The following TENM1 variants were observed in gnomAD, a reference collection of about 807,000 sequenced individuals.
TENM1 encodes the protein teneurin transmembrane protein 1, also known as teneurin-1.
A neutral mutation model predicts 174.8 loss-of-function variants in TENM1; 35 were observed. The observed-to-expected ratio is 0.20, with a 90% CI of 0.15 to 0.27. TENM1 has a LOEUF of 0.27. Among genes scored for constraint, TENM1 ranks in the 10% least tolerant of loss-of-function variants. The probability of loss-of-function intolerance (pLI) is 1.00; values close to 1 mark genes in which losing one functional copy is unlikely to be tolerated. For synonymous variants in TENM1, 781 were observed against 798.7 expected, an observed-to-expected ratio of 0.98 and a Z score of 0.37; for missense variants, 1,633 against 2,130.1, an observed-to-expected ratio of 0.77 and a Z score of 4.59.
At chrX:124,733,029 C>T (rs2053600118) in intron 4 of TENM1, among the ~76,000 whole-genome samples, 1 of 111,835 alleles carries the variant, frequency 8.9e-6, no homozygotes, top group African/African-American at 3.3e-5. Flanking sequence ...GAACCCACAC[C>T]TGCATTCAGC....
chrX:125,053,561 G>T, the TENM1 span, among the ~76,000 whole-genome samples: 1 of 111,981 alleles, frequency 8.9e-6, no homozygotes, highest in Non-Finnish European at 1.9e-5. Context: ...GTGGCTGCAG[G>T]GTGGGGTGTG....
chrX:124,691,401 T>C (rs2052518542), intron 5 of TENM1, among the ~76,000 whole-genome samples: 1 of 112,230 alleles, frequency 8.9e-6, no homozygotes, highest in African/African-American at 3.2e-5. Flanking sequence ...AACCTTACTT[T>C]TTCTTAAGAG....
chrX:125,038,950 G>A, the TENM1 span, among the ~76,000 whole-genome samples: 1 of 111,548 alleles, frequency 9.0e-6, no homozygotes, highest in Non-Finnish European at 1.9e-5. Context: ...ATAGACTTCT[G>A]CCACTGAAAG....
At chrX:124,724,495 C>T (rs2053399368) in intron 4 of TENM1, among the ~76,000 whole-genome samples, 1 of 111,645 alleles carries the variant, frequency 9.0e-6, no homozygotes, top group Non-Finnish European at 1.9e-5. Flanking sequence ...TGTTTGTGTC[C>T]CTTCAAAATT....
Position 124,894,305 on chromosome X carries a change from AC to A in TENM1, c.525del (p.Ser176LeufsTer46). 8.3e-7 allele frequency: 1 copy of A among 1,200,522 alleles called. No homozygotes were observed. The highest frequency in any genetic ancestry group is 1.1e-6 in the Non-Finnish European group (1 of 889,070). On this transcript the variant is annotated frameshift_variant, in exon 3 of 32. Transcript: ENST00000422452. LOFTEE classifies it high-confidence loss of function. ...ATTTGAAAACACTTGCCTTGAGTAG[AC>A]CCAGCTTGAGCCTCCATGTCACAAC...
chrX:124,815,849 T>C (rs2055884341), intron 3 of TENM1, among the ~76,000 whole-genome samples: 1 of 111,710 alleles, frequency 9.0e-6, no homozygotes, highest in African/African-American at 3.2e-5. Flanking sequence ...GAAAGACTTC[T>C]ATGCAACAAA....
At chrX:125,166,735 T>C in the TENM1 span, among the ~76,000 whole-genome samples, 3 of 111,826 alleles carry the variant, frequency 2.7e-5, no homozygotes, top group African/African-American at 9.7e-5. Context: ...CTTCTTCCTC[T>C]TAATCAAATC....
At chrX:124,450,143 G>T (rs762842164) in intron 23 of TENM1, among the ~76,000 whole-genome samples, 1 of 110,446 alleles carries the variant, frequency 9.1e-6, no homozygotes, top group South Asian at 4.0e-4. Context: ...AGATCTGATG[G>T]TTTTAAAAAT....
At chrX:125,122,487 T>C in the TENM1 span, among the ~76,000 whole-genome samples, 5 of 111,870 alleles carry the variant, frequency 4.5e-5, no homozygotes, top group Non-Finnish European at 9.4e-5. Flanking sequence ...TGAAATTTCA[T>C]TCATTTTTAA....
At chrX:124,420,804 T>C in exon 25 of TENM1, 1 of 1,207,733 alleles carries the variant, frequency 8.3e-7, no homozygotes, top group Non-Finnish European at 1.1e-6. Flanking sequence ...TTTGCATCTT[T>C]GGCATAGCCA....
chrX:124,690,484 A>AGTGTGTGTGTGTGTGTGTGTGT (rs58386633), intron 5 of TENM1, among the ~76,000 whole-genome samples: 2 of 93,486 alleles, frequency 2.1e-5, no homozygotes, highest in Non-Finnish European at 4.3e-5. Flanking sequence ...GCTTTGTTAG[A>AGTGTGTGTGTGTGTGTGTGTGT]GTGTGTGTGT....
intron 3 of TENM1, among the ~76,000 whole-genome samples, chrX:124,846,086 T>C (rs1288400056): frequency 9.1e-6 from 1 of 109,768 alleles, no homozygotes; most frequent in African/African-American, 3.3e-5. Context: ...TAGGAAGAGA[T>C]ATGCCCCACA....
exon 30 of TENM1, chrX:124,384,810 G>C (rs2060200069): frequency 8.3e-7 from 1 of 1,206,227 alleles, no homozygotes; most frequent in Admixed American, 2.2e-5. Context: ...GCATTCACAA[G>C]GCCTTCTTCA....
At chrX:124,659,263 A>C (rs2051529533) in intron 6 of TENM1, among the ~76,000 whole-genome samples, 1 of 112,157 alleles carries the variant, frequency 8.9e-6, no homozygotes, top group Non-Finnish European at 1.9e-5. Context: ...GGAATAAAAT[A>C]TCTCTTGAAA....
intron 23 of TENM1, among the ~76,000 whole-genome samples, chrX:124,443,067 T>C (rs1167613964): frequency 2.8e-5 from 2 of 70,997 alleles, no homozygotes; most frequent in Non-Finnish European, 6.3e-5. Flanking sequence ...TGTGTGTGTG[T>C]GTGTGTGTGT....
intron 11 of TENM1, among the ~76,000 whole-genome samples, chrX:124,568,254 G>A (rs1354573161): frequency 9.0e-6 from 1 of 111,131 alleles, no homozygotes. Context: ...GGGTACTTAA[G>A]TCCACAAGGA....
At chrX:125,120,202 T>C in the TENM1 span, among the ~76,000 whole-genome samples, 197 of 99,557 alleles carry the variant, frequency 2.0e-3, no homozygotes, top group African/African-American at 7.1e-3. Flanking sequence ...TGAACAACAT[T>C]TCCTATTTTT....
At chrX:125,067,507 C>G in the TENM1 span, among the ~76,000 whole-genome samples, 1 of 111,694 alleles carries the variant, frequency 9.0e-6, no homozygotes, top group Non-Finnish European at 1.9e-5. Flanking sequence ...TTTTGCTCCT[C>G]TCTATTTTAA....
chrX:125,109,028 T>A, the TENM1 span, among the ~76,000 whole-genome samples: 1 of 111,182 alleles, frequency 9.0e-6, no homozygotes, highest in Admixed American at 9.6e-5. Flanking sequence ...TGCTCCCCTG[T>A]CTCAAATGTC....
Sources: allele counts gnomAD v4.1 joint callset (sites outside exome capture counted in the v4.1 genomes callset), GRCh38; gene constraint gnomAD v4.1.1; transcripts MANE v1.5; gene names NCBI Gene and HGNC (gene_info 2026-07-23, HGNC 2026-07-21).